Variants in LRP1B observed in about 807,000 individuals in gnomAD.
The protein encoded by LRP1B is LDL receptor related protein 1B.
LRP1B carries 217 observed loss-of-function variants against 556.6 expected under a neutral mutation model. The observed-to-expected ratio is 0.39, with a 90% CI of 0.35 to 0.44. The LOEUF (loss-of-function observed/expected upper bound fraction) is 0.44. Ranked by LOEUF, LRP1B falls within the 20% of genes least tolerant of loss-of-function variation. The pLI is 1.00. For missense variants in LRP1B, 5,053 were observed against 5,620.8 expected (o/e 0.90, Z 3.23); for synonymous variants, 2,047 against 1,865.8 (o/e 1.10, Z -2.50).
At chr2:140,241,174 G>T (rs895575693) in intron 87 of LRP1B, among the ~76,000 whole-genome samples, 2 of 150,836 alleles carry the variant, frequency 1.3e-5, no homozygotes, top group Non-Finnish European at 3.0e-5. Context: ...TTTTGGGAAA[G>T]TGAACTTTAT....
At chr2:140,296,044 GTA>G (rs1683589343) in intron 84 of LRP1B, among the ~76,000 whole-genome samples, 1 of 152,126 alleles carries the variant, frequency 6.6e-6, no homozygotes, top group South Asian at 2.1e-4. Flanking sequence ...TGGACAGTGA[GTA>G]TATTTTCTTT....
chr2:140,636,511 A>T (rs1158725945), intron 41 of LRP1B, among the ~76,000 whole-genome samples: 4 of 152,096 alleles, frequency 2.6e-5, no homozygotes, highest in African/African-American at 4.8e-5. Context: ...TGTGTTTTCT[A>T]TCTATAAGTC....
chr2:142,130,699 G>T lies in LRP1B; in HGVS notation c.31C>A (p.Leu11Ile). Reference sequence around the variant, plus strand: ...CTGGCAATCGGCAATAATCCCGAGAGAGTGAGTAAGGCGAGGAGAAACTCG... The same window carrying T: ...CTGGCAATCGGCAATAATCCCGAGATAGTGAGTAAGGCGAGGAGAAACTCG... MSEFLLALLT[L>I]SGLLPIARVL... Residue 11 changes from leucine (L) to isoleucine (I), a missense_variant, in exon 1 of 91, where the codon CTC becomes ATC. By Grantham distance (5) the Leu-to-Ile change is conservative. This residue lies in a region of LRP1B where 3,619 missense variants were observed against 3,931.9 expected (regional missense o/e 0.92). Transcript: ENST00000389484. 1 of 1,613,614 alleles carries T rather than the reference G, an allele frequency of 6.2e-7. No individual in the cohort carries two copies. Among genetic ancestry groups the T allele is most frequent in the Non-Finnish European group, 8.5e-7 (1 of 1,179,778 alleles).
chr2:140,294,170 A>G (rs1683509522), intron 84 of LRP1B, among the ~76,000 whole-genome samples: 1 of 152,184 alleles, frequency 6.6e-6, no homozygotes, highest in Admixed American at 6.5e-5. Context: ...TGAAAAGATA[A>G]AAACAAGAGG....
At chr2:142,112,090 T>C (rs1282573998) in intron 1 of LRP1B, among the ~76,000 whole-genome samples, 1 of 152,082 alleles carries the variant, frequency 6.6e-6, no homozygotes, top group African/African-American at 2.4e-5. Flanking sequence ...TACTAGTACA[T>C]GTACCGATAA....
At chr2:141,471,284 T>TGTTTTTG (rs762259120) in intron 3 of LRP1B, among the ~76,000 whole-genome samples, 2 of 142,278 alleles carry the variant, frequency 1.4e-5, no homozygotes, top group African/African-American at 2.7e-5. Context: ...TTTTTTTTTT[T>TGTTTTTG]TTTTTTTTTT....
chr2:140,869,520 T>C (rs941645512), intron 25 of LRP1B, among the ~76,000 whole-genome samples: 3 of 152,122 alleles, frequency 2.0e-5, no homozygotes, highest in Non-Finnish European at 2.9e-5. Flanking sequence ...CTGTGGCTAT[T>C]ATACAGAGAA....
At chr2:140,786,203 T>C (rs1689893966) in intron 32 of LRP1B, among the ~76,000 whole-genome samples, 1 of 152,234 alleles carries the variant, frequency 6.6e-6, no homozygotes, top group South Asian at 2.1e-4. Context: ...CAAAGTGCTC[T>C]GTGTTCCAGG....
intron 43 of LRP1B, among the ~76,000 whole-genome samples, chr2:140,592,132 A>G (rs1229003823): frequency 6.6e-6 from 1 of 152,166 alleles, no homozygotes; most frequent in African/African-American, 2.4e-5. Context: ...CCTTTATATT[A>G]TAGTTCAGGT....
Position 140,233,305 on chromosome 2 carries a change from C to A in LRP1B, c.13681G>T (p.Val4561Leu), listed in dbSNP as rs1312572215. 6.3e-7 allele frequency: 1 copy of A among 1,598,190 alleles called. No homozygotes were observed. The highest frequency in any genetic ancestry group is 1.1e-5 in the South Asian group (1 of 89,072). ...TAGPTNYSNP[V>L]YAKLYMDGQN... ...CCATCCATATATAATTTTGCATATA[C>A]CGGATTGGAGTAATTTGTTGGCTGA... The change falls in exon 91 of 91, where the codon GTA (valine) becomes TTA (leucine). Residue 4561 changes from valine to leucine, a missense_variant. Coordinates refer to ENST00000389484, the MANE Select transcript of LRP1B (RefSeq NM_018557.3).
chr2:141,323,838 G>A (rs1456905351), intron 3 of LRP1B, among the ~76,000 whole-genome samples: 2 of 151,242 alleles, frequency 1.3e-5, no homozygotes, highest in Non-Finnish European at 3.0e-5. Context: ...AGATGCCATG[G>A]TAGTGCAAAG....
chr2:141,320,064 T>A (rs1013435695), intron 3 of LRP1B, among the ~76,000 whole-genome samples: 1 of 152,064 alleles, frequency 6.6e-6, no homozygotes, highest in Non-Finnish European at 1.5e-5. Context: ...TAGTAATTTC[T>A]CAGATGATGC....
At chr2:141,082,430 C>A (rs1180399792) in intron 7 of LRP1B, among the ~76,000 whole-genome samples, 1 of 152,198 alleles carries the variant, frequency 6.6e-6, no homozygotes, top group Non-Finnish European at 1.5e-5. Context: ...TATCTTTATT[C>A]TACCTGGTTT....
intron 84 of LRP1B, among the ~76,000 whole-genome samples, chr2:140,292,223 G>A (rs991680579): frequency 6.6e-6 from 1 of 152,066 alleles, no homozygotes; most frequent in Non-Finnish European, 1.5e-5. Context: ...TTGCAAATTT[G>A]GACTAATAGT....
chr2:142,066,623 CTCT>C (rs1421522610), intron 1 of LRP1B, among the ~76,000 whole-genome samples: 1 of 151,492 alleles, frequency 6.6e-6, no homozygotes, highest in African/African-American at 2.4e-5. Flanking sequence ...CCCTACCACA[CTCT>C]TCATCTCCTC....
intron 1 of LRP1B, among the ~76,000 whole-genome samples, chr2:142,040,624 G>GTTTTTTT (rs397770023): frequency 7.0e-6 from 1 of 143,758 alleles, no homozygotes; most frequent in Non-Finnish European, 1.5e-5. Context: ...CAGTACTGAG[G>GTTTTTTT]TTTTTTTTTT....
At chr2:141,924,025 G>A (rs933963574) in intron 1 of LRP1B, among the ~76,000 whole-genome samples, 5 of 151,992 alleles carry the variant, frequency 3.3e-5, no homozygotes, top group South Asian at 2.1e-4. Context: ...GGCAGTTCCC[G>A]TGCAAAGGCT....
chr2:141,494,707 T>C (rs1007715992), intron 2 of LRP1B, among the ~76,000 whole-genome samples: 2 of 150,384 alleles, frequency 1.3e-5, no homozygotes, highest in Non-Finnish European at 3.0e-5. Context: ...CCTCATCTAC[T>C]GGCAATAGTA....
chr2:141,288,181 C>T (rs1372992903), intron 3 of LRP1B, among the ~76,000 whole-genome samples: 2 of 150,622 alleles, frequency 1.3e-5, no homozygotes, highest in African/African-American at 2.5e-5. Context: ...TTTGTTTTCT[C>T]TTTTCTATCT....
Sources: gnomAD v4.1 joint callset for allele counts (sites outside exome capture counted in the v4.1 genomes callset) on GRCh38, gnomAD v4.1.1 for gene constraint, gnomAD v4.1.1 regional missense constraint, MANE v1.5 for transcripts, NCBI Gene and HGNC (gene_info 2026-07-23, HGNC 2026-07-21) for gene names.